The following SULF1 variants were observed in gnomAD, a reference collection of about 807,000 sequenced individuals.
The protein encoded by SULF1 is sulfatase 1.
Under a neutral mutation model 110.5 loss-of-function variants are expected in SULF1, and 46 were observed. The observed-to-expected ratio is 0.42, with a 90% confidence interval of 0.33 to 0.53. The LOEUF is 0.53. Among genes scored for constraint, SULF1 ranks in the 20% least tolerant of loss-of-function variants. The pLI is 0.12. For synonymous variants in SULF1, 371 were observed against 387.1 expected, an observed-to-expected ratio of 0.96 and a Z score of 0.49; for missense variants, 941 against 1,094.2, an observed-to-expected ratio of 0.86 and a Z score of 1.98.
intron 8 of SULF1, among the ~76,000 whole-genome samples, chr8:69,592,074 G>A (rs920528): frequency 0.71 from 108,156 of 152,006 alleles, 38,685 homozygotes; most frequent in South Asian, 0.78. Context: ...TCATATCTTT[G>A]AAGGAAACCA....
At chr8:69,552,338 T>C (rs1814783020) in intron 3 of SULF1, among the ~76,000 whole-genome samples, 1 of 152,194 alleles carries the variant, frequency 6.6e-6, no homozygotes, top group Non-Finnish European at 1.5e-5. Context: ...CAAAATCTAA[T>C]TGCTAGAAGG....
At chr8:69,594,424 TCACA>T (rs111619172) in intron 8 of SULF1, among the ~76,000 whole-genome samples, 41,664 of 151,648 alleles carry the variant, frequency 0.27, 6,709 homozygotes, top group African/African-American at 0.44. Context: ...GCATGTACAC[TCACA>T]CACACACAAA....
intron 3 of SULF1, among the ~76,000 whole-genome samples, chr8:69,511,983 G>A (rs1430609759): frequency 6.6e-6 from 1 of 151,970 alleles, no homozygotes; most frequent in Admixed American, 6.6e-5. Context: ...ATTGAAAGAT[G>A]AAAATAAAAT....
At chr8:69,526,009 A>C (rs914556493) in intron 3 of SULF1, among the ~76,000 whole-genome samples, 9 of 152,218 alleles carry the variant, frequency 5.9e-5, no homozygotes, top group African/African-American at 1.7e-4. Context: ...GTTTTACACA[A>C]ATTTGAGAAT....
chr8:69,486,577 GT>G (rs1318100970), intron 1 of SULF1, among the ~76,000 whole-genome samples: 3 of 152,116 alleles, frequency 2.0e-5, no homozygotes, highest in Non-Finnish European at 4.4e-5. Flanking sequence ...CTAAAAGAAG[GT>G]TTGCTGTGAA....
Position 69,573,719 on chromosome 8 carries a change from G to A in SULF1, c.173-2251G>A, listed in dbSNP as rs145237618. Reference sequence around the variant, plus strand: ...ACCCTCTTTCCACTTCTACATCTCCGTTCATCCACTTATCTCCAGGATATT... The same window carrying A: ...ACCCTCTTTCCACTTCTACATCTCCATTCATCCACTTATCTCCAGGATATT... On this transcript the variant is annotated intron_variant, in intron 5 of 22. Coordinates refer to ENST00000402687, the MANE Select transcript of SULF1 (RefSeq NM_001128205.2). 5.9e-5 allele frequency among the ~76,000 whole-genome samples: 9 copies of A among 152,200 alleles called. No individual in the cohort carries two copies. In the East Asian group the frequency reaches 1.2e-3, roughly 20 times the overall value.
At chr8:69,521,912 T>C (rs968638482) in intron 3 of SULF1, among the ~76,000 whole-genome samples, 15 of 150,516 alleles carry the variant, frequency 1.0e-4, no homozygotes, top group Admixed American at 1.3e-4. Flanking sequence ...GTGATAGCAA[T>C]AGAAGTAGCA....
chr8:69,528,795 TTTGTTGTTG>T (rs541688520), intron 3 of SULF1, among the ~76,000 whole-genome samples: 8 of 151,756 alleles, frequency 5.3e-5, no homozygotes, highest in East Asian at 3.9e-4. Context: ...CCACAGTGGG[TTTGTTGTTG>T]TTGTTGTTGT....
intron 3 of SULF1, among the ~76,000 whole-genome samples, chr8:69,512,549 T>A (rs1431289986): frequency 6.6e-6 from 1 of 152,230 alleles, no homozygotes; most frequent in Admixed American, 6.5e-5. Context: ...AGATTGCCTT[T>A]CTGTAAAATG....
At chr8:69,520,251 C>T (rs1249362086) in intron 3 of SULF1, among the ~76,000 whole-genome samples, 1 of 152,002 alleles carries the variant, frequency 6.6e-6, no homozygotes, top group Non-Finnish European at 1.5e-5. Flanking sequence ...ATTTGATCCA[C>T]AGGATTCTTA....
Position 69,660,866 on chromosome 8 carries a change from G to GA in SULF1, c.*2334dup, listed in dbSNP as rs1673457366. 1 of 152,594 alleles carries GA rather than the reference G, an allele frequency of 6.6e-6. No individual in the cohort carries two copies. The allele number at this position is 152,594 out of a possible 1,614,324, so 9.5% of individuals were successfully genotyped here. ...TTTTATAGAACAATTCTGGCTTCAGGAAAGTCTAGAAGCAATATTTCTTCA... is the reference window on the plus strand; with the variant it reads ...TTTTATAGAACAATTCTGGCTTCAGGAAAAGTCTAGAAGCAATATTTCTTCA... On this transcript the variant is annotated 3_prime_UTR_variant, in exon 23 of 23. Transcript: ENST00000402687.
chr8:69,528,863 T>G (rs1812881708), intron 3 of SULF1, among the ~76,000 whole-genome samples: 1 of 152,158 alleles, frequency 6.6e-6, no homozygotes, highest in Admixed American at 6.5e-5. Context: ...TCAAATTTAA[T>G]TTGGAAAATG....
intron 1 of SULF1, among the ~76,000 whole-genome samples, chr8:69,472,523 G>T (rs1054122785): frequency 5.3e-5 from 8 of 152,118 alleles, no homozygotes; most frequent in African/African-American, 1.9e-4. Flanking sequence ...CTCTAACAAG[G>T]CACTGAATGC....
chr8:69,609,358 C>T (rs1247690595), intron 13 of SULF1, among the ~76,000 whole-genome samples: 1 of 152,096 alleles, frequency 6.6e-6, no homozygotes, highest in Non-Finnish European at 1.5e-5. Context: ...AAAAACAAAA[C>T]TAAAATAACA....
chr8:69,493,755 G>T (rs916277831), intron 1 of SULF1, among the ~76,000 whole-genome samples: 3 of 152,194 alleles, frequency 2.0e-5, no homozygotes, highest in East Asian at 1.9e-4. Flanking sequence ...ATAACCGAAG[G>T]TTCTAATATT....
At chr8:69,559,131 G>A (rs1169695197) in intron 3 of SULF1, among the ~76,000 whole-genome samples, 2 of 152,316 alleles carry the variant, frequency 1.3e-5, no homozygotes, top group Middle Eastern at 3.4e-3. Flanking sequence ...TAGTTGGAAA[G>A]TAGAAGCATT....
intron 6 of SULF1, among the ~76,000 whole-genome samples, chr8:69,580,418 A>G (rs1310864348): frequency 6.6e-6 from 1 of 152,194 alleles, no homozygotes; most frequent in African/African-American, 2.4e-5. Flanking sequence ...AGCATTAAGT[A>G]TTTAACAACA....
chr8:69,588,260 G>C (rs777548032), intron 7 of SULF1, among the ~76,000 whole-genome samples: 20 of 152,176 alleles, frequency 1.3e-4, no homozygotes, highest in Non-Finnish European at 2.4e-4. Flanking sequence ...AGCAAGTCAG[G>C]CTCTAATCCC....
At chr8:69,475,228 G>A (rs1285066325) in intron 1 of SULF1, among the ~76,000 whole-genome samples, 1 of 152,056 alleles carries the variant, frequency 6.6e-6, no homozygotes, top group Admixed American at 6.6e-5. Flanking sequence ...ATTCTAGAGT[G>A]TCCTAACACA....
Sources: allele counts gnomAD v4.1 joint callset (sites outside exome capture counted in the v4.1 genomes callset), GRCh38; gene constraint gnomAD v4.1.1; transcripts MANE v1.5; gene names NCBI Gene and HGNC (gene_info 2026-07-23, HGNC 2026-07-21).